EFCAB3: variants seen among roughly 807,000 people sequenced by gnomAD.
EFCAB3 encodes the protein EF-hand calcium binding domain 3, also known as EF-hand calcium-binding domain-containing protein 3.
Under a neutral mutation model 42.2 loss-of-function variants are expected in EFCAB3, and 36 were observed. That is an observed-to-expected ratio of 0.85 (90% CI 0.65 to 1.13). The LOEUF is 1.13. Among genes scored for constraint, EFCAB3 ranks in the 50% most tolerant of loss-of-function variants. The probability of loss-of-function intolerance (pLI) is 0.00; values close to 1 mark genes in which losing one functional copy is unlikely to be tolerated. For missense variants in EFCAB3, 418 were observed against 505.1 expected, an observed-to-expected ratio of 0.83 and a Z score of 1.65; for synonymous variants, 170 against 172.8, an observed-to-expected ratio of 0.98 and a Z score of 0.13.
intron 1 of EFCAB3, chr17:62,381,755 C>T (rs1051670547): frequency 5.2e-6 from 2 of 383,802 alleles, no homozygotes; most frequent in Non-Finnish European, 1.0e-5. Flanking sequence ...TCCTGGACAG[C>T]GTAGGCATCG....
In EFCAB3 at chr17:62,387,695, C is replaced by A. The variant is rs79338099; in HGVS notation, c.151+279C>A. On this transcript the variant is annotated intron_variant, in intron 3 of 9. Coordinates refer to ENST00000305286, the MANE Select transcript of EFCAB3 (RefSeq NM_173503.4). Reference sequence around the variant, plus strand: ...AAAAAGAACAAAAATAACAAAAGAACAAATATAAATCAAGTAATAAAGAAC... The same window carrying A: ...AAAAAGAACAAAAATAACAAAAGAAAAAATATAAATCAAGTAATAAAGAAC... 5.0e-3 allele frequency among the ~76,000 whole-genome samples: 764 copies of A among 152,220 alleles called. 8 individuals carry two copies. The highest frequency in any genetic ancestry group is 0.017 in the African/African-American group (724 of 41,530).
intron 2 of EFCAB3, among the ~76,000 whole-genome samples, chr17:62,386,994 G>A (rs777856053): frequency 3.9e-5 from 6 of 151,968 alleles, no homozygotes; most frequent in South Asian, 2.1e-4. Flanking sequence ...GTCTTGCTAC[G>A]TTGCCCAAGC....
At chr17:62,397,785 G>A (rs2070363393) in intron 6 of EFCAB3, 3 of 371,230 alleles carry the variant, frequency 8.1e-6, no homozygotes, top group South Asian at 7.2e-5. Flanking sequence ...AGCACTTTGG[G>A]AGGCCAAGGC....
chr17:62,405,581 C>T (rs1217491745), intron 6 of EFCAB3, among the ~76,000 whole-genome samples: 1 of 152,208 alleles, frequency 6.6e-6, no homozygotes, highest in Non-Finnish European at 1.5e-5. Context: ...ACCTCAGCAG[C>T]AGTAAGCAGA....
chr17:62,400,440 C>A (rs1200921880), intron 6 of EFCAB3, among the ~76,000 whole-genome samples: 1 of 152,146 alleles, frequency 6.6e-6, no homozygotes, highest in Non-Finnish European at 1.5e-5. Context: ...CAAGTGTTCT[C>A]ATTGTTCAAT....
At chr17:62,384,899 C>A (rs2070235193) in intron 2 of EFCAB3, among the ~76,000 whole-genome samples, 1 of 152,182 alleles carries the variant, frequency 6.6e-6, no homozygotes, top group African/African-American at 2.4e-5. Flanking sequence ...TTACATGAGG[C>A]ATTCAACACT....
At chr17:62,408,243 T>C (rs765756870) in intron 8 of EFCAB3, among the ~76,000 whole-genome samples, 5 of 152,230 alleles carry the variant, frequency 3.3e-5, no homozygotes, top group Non-Finnish European at 7.3e-5. Flanking sequence ...ACTCAGTATT[T>C]TTTGGAAGAA....
rs183019319 is a variant in EFCAB3, at chr17:62,414,324, A to C, written c.990+470A>C. On this transcript the variant is annotated intron_variant, in intron 9 of 9. Coordinates refer to ENST00000305286, the MANE Select transcript of EFCAB3 (RefSeq NM_173503.4). ...CATTAGGTAAAGAACAGCTAGGGCA[A>C]GTATTCTTTGGGCTATCTCAATCTA... 2.8e-3 allele frequency among the ~76,000 whole-genome samples: 431 copies of C among 152,308 alleles called. 2 individuals are homozygous for C. The highest frequency in any genetic ancestry group is 4.7e-3 in the Non-Finnish European group (323 of 68,030).
intron 9 of EFCAB3, among the ~76,000 whole-genome samples, chr17:62,415,689 G>C (rs2070540700): frequency 6.6e-6 from 1 of 152,116 alleles, no homozygotes; most frequent in Admixed American, 6.5e-5. Context: ...CCCTATCCTA[G>C]GCTGAACTGA....
chr17:62,375,066 A>G (rs1432157926), intron 2 of EFCAB3, among the ~76,000 whole-genome samples: 1 of 152,172 alleles, frequency 6.6e-6, no homozygotes, highest in Non-Finnish European at 1.5e-5. Context: ...GTGAACTGTG[A>G]TTGCACCACT....
At chr17:62,380,731 C>A (rs1598005525) in intron 1 of EFCAB3, 118 bp downstream of exon 1, 1 of 408,586 alleles carries the variant, frequency 2.4e-6, no homozygotes, top group Non-Finnish European at 3.3e-6. Flanking sequence ...GGGATGATTT[C>A]ACAGCACCTT....
chr17:62,377,872 A>T (rs12941037), upstream of EFCAB3: 2 of 959,110 alleles, frequency 2.1e-6, no homozygotes, highest in Non-Finnish European at 3.1e-6. Context: ...TTTTTCACTC[A>T]TCTGGGGAAA....
At chr17:62,415,724 T>A (rs2070541048) in intron 9 of EFCAB3, among the ~76,000 whole-genome samples, 1 of 152,204 alleles carries the variant, frequency 6.6e-6, no homozygotes, top group Non-Finnish European at 1.5e-5. Flanking sequence ...CCTCCTGTTA[T>A]ATCCCTAGCC....
At chr17:62,404,378 G>T (rs1227010494) in intron 6 of EFCAB3, among the ~76,000 whole-genome samples, 3 of 151,538 alleles carry the variant, frequency 2.0e-5, no homozygotes, top group Non-Finnish European at 2.9e-5. Flanking sequence ...TGCACCTGTG[G>T]TCCCAGCTAC....
At chr17:62,375,300 C>A (rs2070141735) in intron 2 of EFCAB3, among the ~76,000 whole-genome samples, 2 of 152,000 alleles carry the variant, frequency 1.3e-5, no homozygotes, top group South Asian at 4.2e-4. Context: ...CCAGTCTATC[C>A]CATCTATTGC....
intron 2 of EFCAB3, among the ~76,000 whole-genome samples, chr17:62,385,536 C>T (rs1223496000): frequency 2.4e-4 from 36 of 152,064 alleles, no homozygotes. Flanking sequence ...GAAAATAAGA[C>T]AAGTTAGATA....
intron 1 of EFCAB3, chr17:62,370,437 C>T (rs769347629): frequency 4.5e-5 from 47 of 1,049,332 alleles, no homozygotes; most frequent in Non-Finnish European, 6.3e-5. Context: ...GGTGGATCAC[C>T]TGAGGTCAGG....
intron 7 of EFCAB3, 119 bp downstream of exon 7, chr17:62,406,792 C>A (rs1282741544): frequency 1.9e-6 from 2 of 1,078,018 alleles, no homozygotes; most frequent in Non-Finnish European, 2.6e-6. Context: ...TTCTGAGTGA[C>A]CACTCTCTGT....
chr17:62,399,876 G>C (rs778551255), intron 6 of EFCAB3, among the ~76,000 whole-genome samples: 3 of 152,118 alleles, frequency 2.0e-5, no homozygotes, highest in Non-Finnish European at 4.4e-5. Flanking sequence ...TCTCATGCTA[G>C]AATGTAAGTT....
Sources: gnomAD v4.1 joint callset for allele counts (sites outside exome capture counted in the v4.1 genomes callset) on GRCh38, gnomAD v4.1.1 for gene constraint, MANE v1.5 for transcripts, NCBI Gene and HGNC (gene_info 2026-07-23, HGNC 2026-07-21) for gene names.